The following SRI variants were observed in gnomAD, a reference collection of about 807,000 sequenced individuals.
SRI encodes the protein sorcin.
A neutral mutation model predicts 33.3 loss-of-function variants in SRI; 30 were observed. The ratio of observed to expected loss-of-function variants is 0.90; its 90% confidence interval spans 0.67 to 1.22. The LOEUF is 1.22. SRI is among the 50% of genes most tolerant of loss of function. The pLI is 0.00. For missense variants in SRI, 243 were observed against 250.8 expected, an observed-to-expected ratio of 0.97 and a Z score of 0.21; for synonymous variants, 75 against 89.9, an observed-to-expected ratio of 0.83 and a Z score of 0.94.
At chr7:88,213,213 C>T (rs1851622468) in intron 3 of SRI, among the ~76,000 whole-genome samples, 2 of 152,114 alleles carry the variant, frequency 1.3e-5, no homozygotes, top group African/African-American at 4.8e-5. Flanking sequence ...TTCCATGTCC[C>T]CCAATTTATT....
At chr7:88,206,764 T>A (rs1052165760) in intron 7 of SRI, among the ~76,000 whole-genome samples, 2 of 152,116 alleles carry the variant, frequency 1.3e-5, no homozygotes, top group African/African-American at 4.8e-5. Flanking sequence ...TTTAAATAAT[T>A]ATTTGAATAA....
chr7:88,225,848 A>G (rs1248012218), intron 1 of SRI, among the ~76,000 whole-genome samples: 2 of 152,238 alleles, frequency 1.3e-5, no homozygotes, highest in Non-Finnish European at 2.9e-5. Context: ...TATTACTATC[A>G]ATGATAAGAG....
At chr7:88,214,336 C>T (rs1351177549) in intron 3 of SRI, among the ~76,000 whole-genome samples, 1 of 152,108 alleles carries the variant, frequency 6.6e-6, no homozygotes, top group Non-Finnish European at 1.5e-5. Context: ...TATGTTTGGT[C>T]AGGGGAGGGT....
chr7:88,220,073 T>C, upstream of SRI: 1 of 1,490,660 alleles, frequency 6.7e-7, no homozygotes, highest in Non-Finnish European at 8.9e-7. Flanking sequence ...GCCAGGCCTC[T>C]CCGCCCCCTG....
rs1851429742 is a variant in SRI, at chr7:88,205,913, T to G, written c.*565A>C. 2 of 154,264 alleles carry G rather than the reference T, an allele frequency of 1.3e-5. No homozygotes were observed. Among genetic ancestry groups the G allele is most frequent in the Admixed American group, 1.3e-4 (2 of 15,608 alleles). 9.6% of individuals were successfully genotyped at this position (154,264 alleles called of 1,614,324 possible). ...TTTTTAAGGAGAGTTAACAAAGGTT[T>G]AAATAGATGACAAAAAGGGACTTGG... On this transcript the variant is annotated 3_prime_UTR_variant, in exon 8 of 8. Transcript: ENST00000265729.
Position 88,206,202 on chromosome 7 carries a change from A to C in SRI, c.*276T>G, listed in dbSNP as rs750234687. 2 of 493,446 alleles carry C rather than the reference A, an allele frequency of 4.1e-6. No homozygotes were observed. The highest frequency in any genetic ancestry group is 7.3e-6 in the Non-Finnish European group (2 of 273,892). 30.6% of individuals were successfully genotyped at this position (493,446 alleles called of 1,614,324 possible). On this transcript the variant is annotated 3_prime_UTR_variant, in exon 8 of 8. Coordinates refer to ENST00000265729, the MANE Select transcript of SRI (RefSeq NM_003130.4). ...TGTGACTTAAACATTTTGCATACTT[A>C]AATTTACATAGAGTTTTAGCAAGAA...
chr7:88,208,125 A>T (rs552428656), intron 7 of SRI: 1 of 170,888 alleles, frequency 5.9e-6, no homozygotes, highest in Non-Finnish European at 1.2e-5. Flanking sequence ...AAAAGCAGAT[A>T]GTATATCTGC....
At chr7:88,206,598 C>CACGG (rs555778508) in intron 7 of SRI, 94 bp from the exon 8 acceptor site, 582 of 1,449,304 alleles carry the variant, frequency 4.0e-4, no homozygotes, top group Non-Finnish European at 5.2e-4. Flanking sequence ...CTAATTTGAA[C>CACGG]ACGGGTAAAA....
At chr7:88,208,749 ACAAAGTAACAGG>A in intron 6 of SRI, 184 bp from the exon 7 acceptor site, 1 of 862,046 alleles carries the variant, frequency 1.2e-6, no homozygotes, top group Non-Finnish European at 1.7e-6. Context: ...TTAATATGCA[ACAAAGTAACAGG>A]CAGAAGTTGG....
Position 88,206,214 on chromosome 7 carries a change from A to G in SRI, c.*264T>C, listed in dbSNP as rs1217934449. ...ATTTTGCATACTTAAATTTACATAG[A>G]GTTTTAGCAAGAAAATAAGGCATGA... is the stretch of plus-strand genomic sequence containing the variant. On this transcript the variant is annotated 3_prime_UTR_variant, in exon 8 of 8. Transcript: ENST00000265729. The G allele has an allele frequency of 7.7e-6, 4 of 516,588 alleles. No individual in the cohort carries two copies. The highest frequency in any genetic ancestry group is 7.7e-5 in the African/African-American group (4 of 52,264). The allele number at this position is 516,588 out of a possible 1,614,324, so 32.0% of individuals were successfully genotyped here.
chr7:88,217,190 T>G lies in SRI; in HGVS notation c.137A>C (p.Asp46Ala). Residue 46 changes from aspartate (D) to alanine (A), a missense_variant and splice_region_variant, in exon 3 of 8, where the codon GAT becomes GCT. Transcript: ENST00000265729. ...CAATTCATCAGCATCTATCTGCCCA[T>G]CCTTTTGAAAAAAAATTAGAGGAAT... ...YGYFAAVAGQDGQIDADELQR... is the reference protein window; with the variant it reads ...YGYFAAVAGQAGQIDADELQR... 1.2e-6 allele frequency: 2 copies of G among 1,612,140 alleles called. No homozygotes were observed. The highest frequency in any genetic ancestry group is 1.7e-6 in the Non-Finnish European group (2 of 1,179,788).
At chr7:88,207,175 T>C (rs1322980561) in intron 7 of SRI, among the ~76,000 whole-genome samples, 1 of 152,236 alleles carries the variant, frequency 6.6e-6, no homozygotes, top group Non-Finnish European at 1.5e-5. Context: ...TGATTATCCC[T>C]ATTTTAGAGA....
rs1200476512 is a variant in SRI at position 88,218,927 on chromosome 7, C to T, written c.67G>A (p.Gly23Arg). 2 of 1,613,958 alleles carry T rather than the reference C, an allele frequency of 1.2e-6. No homozygotes were observed. Among genetic ancestry groups the T allele is most frequent in the Admixed American group, 1.7e-5 (1 of 60,012 alleles). ...YYPGGYGGAP[G>R]GPAFPGQTQD... ...GTTTGTCCGGGAAACGCAGGCCCTC[C>T]GGGAGCCCCTCCATACTGTGAAACA... The change falls in exon 2 of 8, where the codon GGA becomes AGA. Residue 23 changes from glycine (G) to arginine (R), a missense_variant. By Grantham distance (125) the Gly-to-Arg change is moderately radical. Transcript: ENST00000265729.
intron 3 of SRI, among the ~76,000 whole-genome samples, chr7:88,212,691 C>T (rs1046970234): frequency 6.6e-6 from 1 of 152,124 alleles, no homozygotes. Context: ...CCAATAAAAT[C>T]AGAAGCTGAA....
At chr7:88,208,683 A>G (rs1481552156) in intron 6 of SRI, 118 bp from the exon 7 acceptor site, 1 of 1,456,432 alleles carries the variant, frequency 6.9e-7, no homozygotes. Context: ...TGTGCAACCA[A>G]TTAACATAAA....
intron 1 of SRI, among the ~76,000 whole-genome samples, chr7:88,226,526 A>G (rs1024653693): frequency 6.6e-6 from 1 of 152,176 alleles, no homozygotes; most frequent in Non-Finnish European, 1.5e-5. Flanking sequence ...AAAAATTCCC[A>G]ATTATTCATA....
rs1287041309 is a variant in SRI, at chr7:88,205,336, A to ACTT, written c.*1139_*1141dup. 6.6e-6 allele frequency: 1 copy of ACTT among 152,214 alleles called. No individual in the cohort carries two copies. The highest frequency in any genetic ancestry group is 1.5e-5 in the Non-Finnish European group (1 of 68,048). 9.4% of individuals were successfully genotyped at this position (152,214 alleles called of 1,614,324 possible). On this transcript the variant is annotated 3_prime_UTR_variant, in exon 8 of 8. Transcript: ENST00000265729. ...TTGTCAGTGCTTCTTGTATCAACAC[A>ACTT]CTTCATATTCAGAACTACTCCCAAG... is the stretch of plus-strand genomic sequence containing the variant.
chr7:88,226,335 T>C (rs1038500771), intron 1 of SRI, among the ~76,000 whole-genome samples: 2 of 152,136 alleles, frequency 1.3e-5, no homozygotes, highest in Admixed American at 1.3e-4. Flanking sequence ...CAAGAGCACC[T>C]AGGGCTTGGT....
intron 3 of SRI, 129 bp from the exon 4 acceptor site, chr7:88,211,054 G>T: frequency 5.3e-6 from 4 of 754,376 alleles, no homozygotes; most frequent in Non-Finnish European, 8.7e-6. Flanking sequence ...CAATTTACGT[G>T]TGACTAATCA....
Sources: allele counts gnomAD v4.1 joint callset (sites outside exome capture counted in the v4.1 genomes callset), GRCh38; gene constraint gnomAD v4.1.1; transcripts MANE v1.5; gene names NCBI Gene and HGNC (gene_info 2026-07-23, HGNC 2026-07-21).